The following NBEAL1 variants were observed in gnomAD, a reference collection of about 807,000 sequenced individuals.
NBEAL1 encodes neurobeachin-like protein 1.
Under a neutral mutation model 351.3 loss-of-function variants are expected in NBEAL1, and 273 were observed. The observed-to-expected ratio is 0.78, with a 90% CI of 0.70 to 0.86. NBEAL1 has a LOEUF of 0.86. Ranked by LOEUF, NBEAL1 falls within the 40% of genes least tolerant of loss-of-function variation. The pLI is 0.00. For missense variants in NBEAL1, 2,961 were observed against 3,201.3 expected (o/e 0.92, Z 1.81); for synonymous variants, 1,050 against 1,086.4 (o/e 0.97, Z 0.66).
intron 42 of NBEAL1, among the ~76,000 whole-genome samples, chr2:203,178,542 T>G (rs2064597394): frequency 6.6e-6 from 1 of 152,118 alleles, no homozygotes; most frequent in African/African-American, 2.4e-5. Flanking sequence ...ATGTGATATA[T>G]CCATACAATG....
At position 203,188,148 on chromosome 2, in the gene NBEAL1, A is replaced by G. The variant is rs147897194; in HGVS notation, c.6706-324A>G. On this transcript the variant is annotated intron_variant, in intron 44 of 55. Coordinates refer to ENST00000683969, the MANE Select transcript of NBEAL1 (RefSeq NM_001378026.1). ...CAACTATTTCAATGGAAATTTTGCC[A>G]CAGAGATGCATTCCATATCTATCTT... Among the ~76,000 whole-genome samples the G allele has an allele frequency of 4.6e-3, 704 of 152,172 alleles. 8 individuals carry two copies. The highest frequency in any genetic ancestry group is 0.016 in the African/African-American group (644 of 41,530).
Position 203,217,524 on chromosome 2 carries a change from A to AC in NBEAL1, c.*170_*171insC. 1 of 1,217,334 alleles carries AC rather than the reference A, an allele frequency of 8.2e-7. No homozygotes were observed. Among genetic ancestry groups the AC allele is most frequent in the African/African-American group, 1.6e-5 (1 of 64,140 alleles). The allele number at this position is 1,217,334 out of a possible 1,614,324, so 75.4% of individuals were successfully genotyped here. A position where few individuals can be genotyped will look rare whatever the true frequency, so the allele number is the denominator to read the frequency against. The stretch of plus-strand genomic sequence containing the variant: ...AAACTAATTCTTGGTCTATACTAAG[A>AC]TGTATTTGAGAAAATACATTTGATT... On this transcript the variant is annotated 3_prime_UTR_variant, in exon 56 of 56. Transcript: ENST00000683969.
intron 7 of NBEAL1, among the ~76,000 whole-genome samples, chr2:203,069,447 C>A (rs1172058382): frequency 6.6e-6 from 1 of 152,110 alleles, no homozygotes; most frequent in African/African-American, 2.4e-5. Context: ...TAAGGTGTTT[C>A]TATTCATCAG....
At chr2:203,183,810 A>G (rs1395129533) in intron 44 of NBEAL1, among the ~76,000 whole-genome samples, 1 of 152,148 alleles carries the variant, frequency 6.6e-6, no homozygotes, top group Non-Finnish European at 1.5e-5. Context: ...ACAGTGGCTC[A>G]CACCTGTAAT....
intron 18 of NBEAL1, 73 bp from the exon 19 acceptor site, chr2:203,122,180 GA>G (rs1329233334): frequency 1.3e-6 from 1 of 797,706 alleles, no homozygotes; most frequent in East Asian, 3.0e-5. Flanking sequence ...GTATTATGGT[GA>G]AATGTTCTAT....
At chr2:203,135,161 C>A (rs1294353733) in intron 27 of NBEAL1, among the ~76,000 whole-genome samples, 2 of 150,620 alleles carry the variant, frequency 1.3e-5, no homozygotes, top group Non-Finnish European at 3.0e-5. Context: ...CAGAGCAAGA[C>A]CCTGTCTCAA....
chr2:203,207,332 T>C (rs1276974208), intron 51 of NBEAL1, among the ~76,000 whole-genome samples: 1 of 150,166 alleles, frequency 6.7e-6, no homozygotes, highest in African/African-American at 2.5e-5. Context: ...CTCCGGGAGG[T>C]GAGGGGCGCC....
intron 2 of NBEAL1, 121 bp from the exon 3 acceptor site, chr2:203,041,644 T>C: frequency 6.0e-6 from 4 of 662,586 alleles, no homozygotes; most frequent in Non-Finnish European, 1.0e-5. Flanking sequence ...ACATATGTAC[T>C]CCTAAATATC....
chr2:203,197,745 T>C (rs902672764), intron 48 of NBEAL1, among the ~76,000 whole-genome samples: 5 of 151,984 alleles, frequency 3.3e-5, no homozygotes, highest in African/African-American at 1.2e-4. Flanking sequence ...CTGTCTCTAC[T>C]AAAAATACAA....
At chr2:203,041,211 G>A (rs1461496572) in intron 2 of NBEAL1, among the ~76,000 whole-genome samples, 2 of 152,202 alleles carry the variant, frequency 1.3e-5, no homozygotes, top group African/African-American at 4.8e-5. Flanking sequence ...TCAAGCATTT[G>A]TACAAGGTTC....
chr2:203,190,235 G>C (rs2065032174), intron 45 of NBEAL1, 57 bp from the exon 46 acceptor site: 1 of 1,103,210 alleles, frequency 9.1e-7, no homozygotes, highest in African/African-American at 1.6e-5. Flanking sequence ...ATTAATCAGT[G>C]ATGTGGCTTG....
At chr2:203,135,341 G>A (rs892169209) in intron 27 of NBEAL1, among the ~76,000 whole-genome samples, 3 of 152,120 alleles carry the variant, frequency 2.0e-5, no homozygotes, top group Non-Finnish European at 2.9e-5. Flanking sequence ...CTGAACAAAT[G>A]TAGGGGGCTC....
chr2:203,092,664 A>G (rs780906595), intron 10 of NBEAL1, among the ~76,000 whole-genome samples: 4 of 152,240 alleles, frequency 2.6e-5, no homozygotes, highest in Non-Finnish European at 5.9e-5. Flanking sequence ...AACTACTTCA[A>G]AGAGCTTTTA....
At chr2:203,043,746 G>C (rs1574887522) in intron 3 of NBEAL1, among the ~76,000 whole-genome samples, 1 of 149,232 alleles carries the variant, frequency 6.7e-6, no homozygotes, top group South Asian at 2.1e-4. Flanking sequence ...AAAAAAAAAA[G>C]TGTGTTGAGG....
intron 2 of NBEAL1, among the ~76,000 whole-genome samples, chr2:203,028,476 C>T (rs911486900): frequency 5.3e-5 from 8 of 151,744 alleles, no homozygotes; most frequent in Non-Finnish European, 8.8e-5. Context: ...TATTCAGAGA[C>T]TTTTAGTTCT....
chr2:203,044,799 G>T (rs2061200896), intron 3 of NBEAL1, among the ~76,000 whole-genome samples: 1 of 152,170 alleles, frequency 6.6e-6, no homozygotes, highest in Non-Finnish European at 1.5e-5. Flanking sequence ...TGACCTTAGA[G>T]AATTCATAAT....
intron 55 of NBEAL1, among the ~76,000 whole-genome samples, chr2:203,215,934 C>T (rs925167220): frequency 2.0e-5 from 3 of 151,098 alleles, no homozygotes; most frequent in Admixed American, 6.6e-5. Flanking sequence ...TTGCCTGAGC[C>T]CAGGAGGCAG....
chr2:203,051,828 T>C (rs1383760212), intron 4 of NBEAL1, among the ~76,000 whole-genome samples: 2 of 152,194 alleles, frequency 1.3e-5, no homozygotes, highest in Non-Finnish European at 2.9e-5. Context: ...AGAACATGTT[T>C]CTATTTCCAG....
intron 18 of NBEAL1, among the ~76,000 whole-genome samples, chr2:203,120,709 G>A (rs760541845): frequency 4.6e-5 from 7 of 152,110 alleles, no homozygotes; most frequent in South Asian, 2.1e-4. Flanking sequence ...TATCGGATTC[G>A]CATTTTAGAA....
Sources: allele counts gnomAD v4.1 joint callset (sites outside exome capture counted in the v4.1 genomes callset), GRCh38; gene constraint gnomAD v4.1.1; transcripts MANE v1.5; gene names NCBI Gene and HGNC (gene_info 2026-07-23, HGNC 2026-07-21).